The following FGFR2 variants were observed in gnomAD, a reference collection of about 807,000 sequenced individuals.
FGFR2 encodes the protein BEK fibroblast growth factor receptor.
FGFR2 carries 19 observed loss-of-function variants against 95.9 expected under a neutral mutation model. The ratio of observed to expected loss-of-function variants is 0.20; its 90% CI spans 0.14 to 0.29. The LOEUF is 0.29. Among genes scored for constraint, FGFR2 ranks in the 10% least tolerant of loss-of-function variants. The pLI is 1.00. For synonymous variants in FGFR2, 392 were observed against 393.3 expected, an observed-to-expected ratio of 1.00 and a Z score of 0.04; for missense variants, 707 against 1,056.9, an observed-to-expected ratio of 0.67 and a Z score of 4.59.
At chr10:121,538,544 C>A (rs1853208018) in intron 6 of FGFR2, 48 bp downstream of exon 6, 1 of 1,614,052 alleles carries the variant, frequency 6.2e-7, no homozygotes, top group Non-Finnish European at 8.5e-7. Context: ...ACGAGTCAAG[C>A]AAGAATGGGC....
chr10:121,508,673 T>C (rs976428703), intron 9 of FGFR2, among the ~76,000 whole-genome samples: 2 of 152,224 alleles, frequency 1.3e-5, no homozygotes, highest in Non-Finnish European at 2.9e-5. Context: ...ACAAGAAGGA[T>C]GACTTACGGG....
intron 2 of FGFR2, among the ~76,000 whole-genome samples, chr10:121,580,484 T>C (rs1395338291): frequency 6.6e-6 from 1 of 152,060 alleles, no homozygotes; most frequent in Non-Finnish European, 1.5e-5. Flanking sequence ...TCGAAACCCG[T>C]GCAGACGCCT....
chr10:121,513,217 T>G (rs964875953), intron 9 of FGFR2, among the ~76,000 whole-genome samples: 1 of 152,220 alleles, frequency 6.6e-6, no homozygotes, highest in Non-Finnish European at 1.5e-5. Context: ...GTATTGCATG[T>G]GAGTATACAT....
chr10:121,593,802 G>A lies in FGFR2; in HGVS notation c.16C>T (p.Arg6Cys), dbSNP rs141724446. Residue 6 changes from arginine (R) to cysteine (C), a missense_variant, in exon 2 of 18, where the codon CGT (arginine) becomes TGT (cysteine). This residue lies in a region of FGFR2 where 178 missense variants were observed against 194.1 expected (regional missense o/e 0.92). Transcript: ENST00000358487. MVSWG[R>C]FICLVVVTMA... Reference sequence around the variant, plus strand: ...GTGACCACGACCAGGCAGATGAAACGACCCCAGCTGACCATGGTTACGGTA... The same window carrying A: ...GTGACCACGACCAGGCAGATGAAACAACCCCAGCTGACCATGGTTACGGTA... 26 of 1,614,152 alleles carry A rather than the reference G, an allele frequency of 1.6e-5. No homozygotes were observed. The Admixed American group carries it at 2.2e-4, about 13-fold the overall frequency.
chr10:121,562,034 C>T (rs967820056), intron 4 of FGFR2, among the ~76,000 whole-genome samples: 1 of 152,200 alleles, frequency 6.6e-6, no homozygotes, highest in Non-Finnish European at 1.5e-5. Context: ...GAACACCAAG[C>T]ACATCGAATG....
At position 121,479,785 on chromosome 10, in the gene FGFR2, G is replaced by A. The variant is rs2133675284; in HGVS notation, c.*72C>T. On this transcript the variant is annotated 3_prime_UTR_variant, in exon 18 of 18. Coordinates refer to ENST00000358487, the MANE Select transcript of FGFR2 (RefSeq NM_000141.5). ...CAAGTGGAGACAACAAGCTCTGGGA[G>A]GCATGGTCTCCCTGCTCAGTGTAGC... The A allele has an allele frequency of 1.2e-6, 2 of 1,613,418 alleles. No homozygotes were observed. The highest frequency in any genetic ancestry group is 8.5e-7 in the Non-Finnish European group (1 of 1,179,436).
intron 5 of FGFR2, among the ~76,000 whole-genome samples, chr10:121,539,378 T>G (rs1853353109): frequency 6.6e-6 from 1 of 152,210 alleles, no homozygotes; most frequent in South Asian, 2.1e-4. Flanking sequence ...AAACTCAAGT[T>G]GTATATCCGT....
intron 4 of FGFR2, among the ~76,000 whole-genome samples, chr10:121,555,288 G>A (rs1855976691): frequency 6.6e-6 from 1 of 152,136 alleles, no homozygotes; most frequent in African/African-American, 2.4e-5. Flanking sequence ...CAGGAGAATT[G>A]CTTGAACCCA....
At chr10:121,515,414 G>A in intron 8 of FGFR2, 95 bp from the exon 9 acceptor site, 1 of 1,270,056 alleles carries the variant, frequency 7.9e-7, no homozygotes, top group Non-Finnish European at 1.1e-6. Flanking sequence ...GGAACCAAAA[G>A]GCGACGACCA....
intron 2 of FGFR2, among the ~76,000 whole-genome samples, chr10:121,572,906 G>A (rs1272811265): frequency 5.3e-5 from 8 of 152,180 alleles, no homozygotes; most frequent in Non-Finnish European, 8.8e-5. Flanking sequence ...AAAAATCCTC[G>A]CTGTGTGTGA....
chr10:121,516,652 G>A (rs931261476), intron 8 of FGFR2, among the ~76,000 whole-genome samples: 1 of 152,176 alleles, frequency 6.6e-6, no homozygotes, highest in African/African-American at 2.4e-5. Context: ...TAGAGATGTC[G>A]GTTAAAGATT....
intron 6 of FGFR2, 23 bp downstream of exon 6, chr10:121,538,569 C>A (rs1480328519): frequency 6.2e-7 from 1 of 1,614,058 alleles, no homozygotes; most frequent in Non-Finnish European, 8.5e-7. Context: ...ATGCAGCCGC[C>A]ACACGAGGAG....
intron 13 of FGFR2, among the ~76,000 whole-genome samples, chr10:121,495,248 T>C (rs1193197024): frequency 1.3e-5 from 2 of 152,130 alleles, no homozygotes; most frequent in Non-Finnish European, 2.9e-5. Context: ...GAGATTTTTA[T>C]ACGAAAAAGA....
intron 13 of FGFR2, among the ~76,000 whole-genome samples, chr10:121,492,140 C>T (rs970818412): frequency 6.6e-6 from 1 of 152,056 alleles, no homozygotes; most frequent in Admixed American, 6.5e-5. Context: ...CACGCCACTG[C>T]ACTCCAGCCA....
intron 4 of FGFR2, chr10:121,564,179 G>C (rs1857347243): frequency 2.6e-6 from 1 of 389,840 alleles, no homozygotes; most frequent in Non-Finnish European, 4.8e-6. Context: ...GGAAAACCAA[G>C]ATGTTACATG....
chr10:121,590,095 G>A (rs895424906), intron 2 of FGFR2, among the ~76,000 whole-genome samples: 1 of 152,038 alleles, frequency 6.6e-6, no homozygotes, highest in Non-Finnish European at 1.5e-5. Context: ...ACCAACTCAC[G>A]TTGGTCCAGG....
intron 5 of FGFR2, among the ~76,000 whole-genome samples, chr10:121,543,191 A>G (rs554237195): frequency 2.6e-5 from 4 of 152,316 alleles, no homozygotes; most frequent in African/African-American, 7.2e-5. Flanking sequence ...AGATCAGTTC[A>G]TTCAACAGGT....
chr10:121,593,963 A>T lies in FGFR2; in HGVS notation c.-146T>A. The T allele has an allele frequency of 1.3e-6, 1 of 750,080 alleles. No individual in the cohort carries two copies. Among genetic ancestry groups the T allele is most frequent in the Non-Finnish European group, 2.4e-6 (1 of 419,290 alleles). 46.5% of individuals were successfully genotyped at this position (750,080 alleles called of 1,614,324 possible). On this transcript the variant is annotated 5_prime_UTR_variant, in exon 2 of 18. Transcript: ENST00000358487. ...ACCGAGGCGCTGCCGCTGCTGCTGC[A>T]GTCACTAAAGGAAAGAGATTGGCGA...
At chr10:121,513,296 T>C (rs1849294184) in intron 9 of FGFR2, among the ~76,000 whole-genome samples, 2 of 152,204 alleles carry the variant, frequency 1.3e-5, no homozygotes, top group Admixed American at 1.3e-4. Flanking sequence ...TCCTCAAGGA[T>C]CCATCCACAA....
Sources: allele counts gnomAD v4.1 joint callset (sites outside exome capture counted in the v4.1 genomes callset), GRCh38; gene constraint gnomAD v4.1.1; regional missense constraint gnomAD v4.1.1; transcripts MANE v1.5; gene names NCBI Gene and HGNC (gene_info 2026-07-23, HGNC 2026-07-21).